The following COL22A1 variants were observed in gnomAD, a reference collection of about 807,000 sequenced individuals.
The protein encoded by COL22A1 is collagen alpha-1(XXII) chain.
In COL22A1, 221 loss-of-function variants were observed where a neutral mutation model predicts 248.9. The observed-to-expected ratio is 0.89, with a 90% CI of 0.80 to 0.99. The LOEUF (loss-of-function observed/expected upper bound fraction) is 0.99, where lower values mean the gene tolerates loss of function less well. Among genes scored for constraint, COL22A1 ranks in the 50% least tolerant of loss-of-function variants. The probability of loss-of-function intolerance (pLI) is 0.00; values close to 1 mark genes in which losing one functional copy is unlikely to be tolerated. For synonymous variants in COL22A1, 891 were observed against 793.4 expected (o/e 1.12, Z -2.07); for missense variants, 2,240 against 2,179.0 (o/e 1.03, Z -0.56).
At chr8:138,664,240 C>G (rs1449431604) in intron 41 of COL22A1, among the ~76,000 whole-genome samples, 1 of 151,068 alleles carries the variant, frequency 6.6e-6, no homozygotes, top group Admixed American at 6.6e-5. Context: ...CACACACACA[C>G]ACACACACAC....
chr8:138,710,125 A>C (rs1828831577), intron 30 of COL22A1, among the ~76,000 whole-genome samples: 1 of 152,244 alleles, frequency 6.6e-6, no homozygotes. Flanking sequence ...TTCTCTTTGC[A>C]GAACAATGAT....
At chr8:138,754,325 T>C (rs1832829056) in intron 21 of COL22A1, among the ~76,000 whole-genome samples, 1 of 152,190 alleles carries the variant, frequency 6.6e-6, no homozygotes, top group East Asian at 1.9e-4. Flanking sequence ...TAAGTTAGAT[T>C]TTCTGATCCA....
intron 41 of COL22A1, among the ~76,000 whole-genome samples, chr8:138,674,291 C>T (rs879317336): frequency 3.9e-5 from 6 of 152,140 alleles, no homozygotes; most frequent in East Asian, 1.9e-4. Context: ...GTTCCTGTAA[C>T]GAGGCAACTG....
At chr8:138,640,346 G>T (rs1329464065) in intron 47 of COL22A1, among the ~76,000 whole-genome samples, 4 of 152,028 alleles carry the variant, frequency 2.6e-5, no homozygotes, top group African/African-American at 9.7e-5. Flanking sequence ...CACTGAACAG[G>T]CAATTTTCTC....
intron 16 of COL22A1, among the ~76,000 whole-genome samples, chr8:138,769,011 G>A (rs1834140984): frequency 6.6e-6 from 1 of 151,870 alleles, no homozygotes. Flanking sequence ...CCCATCTCCT[G>A]TCTCTCCAGC....
In COL22A1 at chr8:138,623,798, C is replaced by T; in HGVS notation, c.3718-13G>A. On this transcript the variant is annotated splice_polypyrimidine_tract_variant and intron_variant, in intron 51 of 64. Transcript: ENST00000303045. ...TGCCTTCTTCTCCCTGCAAGAGAAA[C>T]TCAAATTGGTTATCAGGTCAAAGAA... The T allele has an allele frequency of 1.2e-6, 2 of 1,611,344 alleles. No homozygotes were observed. Among genetic ancestry groups the T allele is most frequent in the East Asian group, 2.2e-5 (1 of 44,728 alleles).
rs1361402047 is a variant in COL22A1 at position 138,878,128 on chromosome 8, G to C, written c.280C>G (p.Leu94Val). The C allele has an allele frequency of 6.2e-7, 1 of 1,605,908 alleles. No individual in the cohort carries two copies. The highest frequency in any genetic ancestry group is 8.5e-7 in the Non-Finnish European group (1 of 1,176,988). Residue 94 changes from leucine to valine, a missense_variant, in exon 3 of 65, where the codon CTC (leucine) becomes GTC (valine). Leu to Val is a conservative substitution (Grantham distance 32, BLOSUM62 1). Coordinates refer to ENST00000303045, the MANE Select transcript of COL22A1 (RefSeq NM_152888.3). ...DRPTTAFELGLFGSQEEVKAA... is the reference protein window; with the variant it reads ...DRPTTAFELGVFGSQEEVKAA... ...TTGACCTCCTCCTGCGAGCCAAAGAGTCCCAACTCGAAGGCCGTGGTGGGC... is the reference window on the plus strand; with the variant it reads ...TTGACCTCCTCCTGCGAGCCAAAGACTCCCAACTCGAAGGCCGTGGTGGGC...
intron 12 of COL22A1, among the ~76,000 whole-genome samples, chr8:138,785,774 C>G (rs940397461): frequency 1.3e-5 from 2 of 152,194 alleles, no homozygotes; most frequent in Admixed American, 1.3e-4. Flanking sequence ...TTCTCTCGTC[C>G]ACAAGATGGG....
At chr8:138,603,329 G>A (rs1260817735) in intron 59 of COL22A1, among the ~76,000 whole-genome samples, 3 of 152,162 alleles carry the variant, frequency 2.0e-5, no homozygotes, top group Non-Finnish European at 4.4e-5. Context: ...CGGTATTCCT[G>A]GATGAATCTT....
At chr8:138,881,216 A>G (rs1824178049) in intron 2 of COL22A1, among the ~76,000 whole-genome samples, 1 of 152,092 alleles carries the variant, frequency 6.6e-6, no homozygotes, top group Non-Finnish European at 1.5e-5. Context: ...AGATGGGCAC[A>G]GAAATCTCAT....
chr8:138,655,764 T>C (rs1823194049), intron 45 of COL22A1, 133 bp downstream of exon 45: 2 of 789,702 alleles, frequency 2.5e-6, no homozygotes, highest in East Asian at 2.4e-5. Context: ...TGCTGAGTTG[T>C]CAACTAATGG....
chr8:138,778,461 G>T, intron 14 of COL22A1, 55 bp from the exon 15 acceptor site: 1 of 1,483,726 alleles, frequency 6.7e-7, no homozygotes, highest in Non-Finnish European at 9.1e-7. Context: ...AAAGGCAAGT[G>T]CAGCCGTACA....
intron 26 of COL22A1, 43 bp from the exon 27 acceptor site, chr8:138,720,835 C>T (rs1829816505): frequency 2.0e-6 from 3 of 1,495,422 alleles, no homozygotes; most frequent in Admixed American, 1.7e-5. Context: ...ACGGGCCATG[C>T]TTGGATTAAA....
rs192210856 is a variant in COL22A1 at position 138,794,838 on chromosome 8, T to C, written c.1596+1981A>G. 7.1e-4 allele frequency among the ~76,000 whole-genome samples: 108 copies of C among 152,272 alleles called. 2 individuals are homozygous for C. The highest frequency in any genetic ancestry group is 6.8e-3 in the Middle Eastern group (2 of 294). On this transcript the variant is annotated intron_variant, in intron 12 of 64. Transcript: ENST00000303045. ...AAGACAAATACTACATAATTCCACA[T>C]ATGAAGTACCTAAAATAGTCAAATT...
chr8:138,725,832 G>T (rs1010830622), intron 23 of COL22A1, among the ~76,000 whole-genome samples: 4 of 151,674 alleles, frequency 2.6e-5, no homozygotes, highest in African/African-American at 9.7e-5. Context: ...CCTTCCAGAA[G>T]AGTGCTTCTC....
intron 22 of COL22A1, among the ~76,000 whole-genome samples, chr8:138,744,068 C>T (rs143658161): frequency 4.9e-4 from 74 of 152,258 alleles, no homozygotes; most frequent in Middle Eastern, 3.4e-3. Flanking sequence ...CAGGGAAAAC[C>T]CAGGGTGTCC....
chr8:138,650,005 A>G (rs1286836822), intron 45 of COL22A1, among the ~76,000 whole-genome samples: 2 of 152,208 alleles, frequency 1.3e-5, no homozygotes, highest in Non-Finnish European at 2.9e-5. Context: ...CAGCACTGAC[A>G]TATCTGGATA....
At chr8:138,645,735 A>T (rs539642054) in intron 47 of COL22A1, among the ~76,000 whole-genome samples, 120 of 152,294 alleles carry the variant, frequency 7.9e-4, no homozygotes, top group African/African-American at 2.7e-3. Flanking sequence ...CCAAGGACTG[A>T]CTTCTGAGCT....
At chr8:138,709,890 T>G (rs11166837) in intron 30 of COL22A1, among the ~76,000 whole-genome samples, 1 of 152,198 alleles carries the variant, frequency 6.6e-6, no homozygotes, top group East Asian at 1.9e-4. Context: ...TTACAGCAAA[T>G]ATCCTCACAC....
Sources: gnomAD v4.1 joint callset for allele counts (sites outside exome capture counted in the v4.1 genomes callset) on GRCh38, gnomAD v4.1.1 for gene constraint, MANE v1.5 for transcripts, NCBI Gene and HGNC (gene_info 2026-07-23, HGNC 2026-07-21) for gene names.